Variants in AKAP8 observed in about 807,000 individuals in gnomAD.
The protein encoded by AKAP8 is A-kinase anchor protein 8.
AKAP8 carries 24 observed loss-of-function variants against 67.5 expected under a neutral mutation model. That is an observed-to-expected ratio of 0.36 (90% confidence interval 0.26 to 0.50). The LOEUF is 0.50. AKAP8 is among the 20% of genes least tolerant of loss of function. AKAP8 has a pLI of 0.97. For synonymous variants in AKAP8, 400 were observed against 371.1 expected, an observed-to-expected ratio of 1.08 and a Z score of -0.90; for missense variants, 971 against 955.9, an observed-to-expected ratio of 1.02 and a Z score of -0.21.
intron 9 of AKAP8, among the ~76,000 whole-genome samples, chr19:15,363,540 T>C (rs1450085146): frequency 1.7e-5 from 2 of 114,906 alleles, no homozygotes; most frequent in African/African-American, 7.0e-5. Flanking sequence ...GGTGGGGGGG[T>C]CAGCCCCCTC....
intron 8 of AKAP8, 155 bp from the exon 9 acceptor site, chr19:15,368,477 C>G (rs1422716984): frequency 1.0e-6 from 1 of 985,370 alleles, no homozygotes; most frequent in Non-Finnish European, 1.2e-6. Flanking sequence ...AAGGCACTGT[C>G]AGAGACTCCT....
chr19:15,368,136 C>T, intron 9 of AKAP8, 99 bp downstream of exon 9: 1 of 1,515,478 alleles, frequency 6.6e-7, no homozygotes, highest in South Asian at 1.2e-5. Context: ...AGTCAGGCCA[C>T]CAGGCCCCCA....
chr19:15,369,329 C>A lies in AKAP8; in HGVS notation c.1072+817G>T. 3 of 925,196 alleles carry A rather than the reference C, an allele frequency of 3.2e-6. No individual in the cohort carries two copies. Among genetic ancestry groups the A allele is most frequent in the Non-Finnish European group, 3.9e-6 (3 of 775,044 alleles). The allele number at this position is 925,196 out of a possible 1,614,324, so 57.3% of individuals were successfully genotyped here. ...TGCTGCGGGTCGCGGGGGGGAGGACCGCAGAGGGCTGGCAAAGCCTGAACA... is the reference window on the plus strand; with the variant it reads ...TGCTGCGGGTCGCGGGGGGGAGGACAGCAGAGGGCTGGCAAAGCCTGAACA... On this transcript the variant is annotated intron_variant, in intron 8 of 13. Coordinates refer to ENST00000269701, the MANE Select transcript of AKAP8 (RefSeq NM_005858.4). This position sits in a 1 kb window ranked among gnomAD's most constrained non-coding sequence, Gnocchi z 4.6.
intron 9 of AKAP8, among the ~76,000 whole-genome samples, chr19:15,363,443 G>GC (rs1184060157): frequency 6.8e-6 from 1 of 147,512 alleles, no homozygotes; most frequent in Non-Finnish European, 1.5e-5. Flanking sequence ...GAAGTGAGGA[G>GC]CCCCCCTGCC....
At chr19:15,359,165 G>A in intron 12 of AKAP8, 103 bp from the exon 13 acceptor site, 2 of 1,039,798 alleles carry the variant, frequency 1.9e-6, no homozygotes, top group East Asian at 2.4e-5. Flanking sequence ...GCCCTATGCA[G>A]AGAAGCGAAT....
At position 15,353,649 on chromosome 19, in the gene AKAP8, G is replaced by T. The variant is rs11671335; in HGVS notation, c.*1266C>A. On this transcript the variant is annotated 3_prime_UTR_variant, in exon 14 of 14. Transcript: ENST00000269701. ...TTCCTAGAATGTGCTTGGTGAGTTA[G>T]CCCCTGGTATACAGTAGAGGCTCGG... 6.6e-6 allele frequency: 1 copy of T among 152,080 alleles called. No homozygotes were observed. Among genetic ancestry groups the T allele is most frequent in the Non-Finnish European group, 1.5e-5 (1 of 68,022 alleles). The allele number at this position is 152,080 out of a possible 1,614,324, so 9.4% of individuals were successfully genotyped here.
Position 15,373,856 on chromosome 19 carries a change from C to G in AKAP8, c.301G>C (p.Asp101His), listed in dbSNP as rs756600778. Residue 101 changes from aspartate (D) to histidine (H), a missense_variant, in exon 4 of 14, where the codon GAC (aspartate) becomes CAC (histidine). Physicochemically the swap from Asp to His is moderately conservative, Grantham distance 81. This residue lies in a region of AKAP8 where 763 missense variants were observed against 745.4 expected (regional missense o/e 1.02). Coordinates refer to ENST00000269701, the MANE Select transcript of AKAP8 (RefSeq NM_005858.4). ...SLIAKINQRL[D>H]MMSKEGGRGG... is the part of the protein sequence containing the mutation. ...CTGCCTCCTTCCTTGGACATCATGT[C>G]CAAACGCTGGTTGATCTTGGCAATG... 1.2e-6 allele frequency: 2 copies of G among 1,612,892 alleles called. No homozygotes were observed. The highest frequency in any genetic ancestry group is 2.7e-5 in the African/African-American group (2 of 75,014).
chr19:15,369,028 GAAAAAA>G lies in AKAP8; in HGVS notation c.1073-712_1073-707del. 2 of 985,684 alleles carry G rather than the reference GAAAAAA, an allele frequency of 2.0e-6. No homozygotes were observed. Among genetic ancestry groups the G allele is most frequent in the Non-Finnish European group, 2.4e-6 (2 of 830,202 alleles). The allele number at this position is 985,684 out of a possible 1,614,324, so 61.1% of individuals were successfully genotyped here. ...CAGCATGAGGCCAGGGACGGACGCT[GAAAAAA>G]GGTTGGAGAAGCATCTGAACTGTAA... is the stretch of plus-strand genomic sequence containing the variant. On this transcript the variant is annotated intron_variant, in intron 8 of 13. Coordinates refer to ENST00000269701, the MANE Select transcript of AKAP8 (RefSeq NM_005858.4). The surrounding 1 kb of genome is among the most constrained non-coding windows in gnomAD (Gnocchi z 4.6).
chr19:15,368,150 T>C (rs1967097836), intron 9 of AKAP8, 85 bp downstream of exon 9: 2 of 1,554,420 alleles, frequency 1.3e-6, no homozygotes, highest in Non-Finnish European at 1.7e-6. Flanking sequence ...GCCCCCAGCA[T>C]TGTGGAGCGA....
At chr19:15,376,143 C>A (rs982549016) in intron 2 of AKAP8, among the ~76,000 whole-genome samples, 3 of 152,110 alleles carry the variant, frequency 2.0e-5, no homozygotes, top group Admixed American at 6.5e-5. Flanking sequence ...GGGTCTCGAA[C>A]TCCCAGGCTC....
Position 15,362,225 on chromosome 19 carries a change from T to C in AKAP8, c.1187A>G (p.Lys396Arg). 1.9e-6 allele frequency: 3 copies of C among 1,613,982 alleles called. No individual in the cohort carries two copies. Among genetic ancestry groups the C allele is most frequent in the Non-Finnish European group, 1.7e-6 (2 of 1,179,976 alleles). The change falls in exon 10 of 14, where the codon AAG becomes AGG. Residue 396 changes from lysine (K) to arginine (R), a missense_variant. Coordinates refer to ENST00000269701, the MANE Select transcript of AKAP8 (RefSeq NM_005858.4). ...DRIQFACSVC[K>R]FRSFDDEEIQ... The stretch of plus-strand genomic sequence containing the variant: ...CTCTTCGTCATCAAAGCTACGGAAC[T>C]TGCATACAGAACAGGCAAACTGAAT...
chr19:15,373,407 T>C (rs1454466291), intron 4 of AKAP8, 67 bp from the exon 5 acceptor site: 2 of 1,509,410 alleles, frequency 1.3e-6, no homozygotes, highest in African/African-American at 1.4e-5. Context: ...TCCCTCAGTA[T>C]AACCTCGACG....
intron 1 of AKAP8, among the ~76,000 whole-genome samples, chr19:15,378,516 G>A (rs758182913): frequency 6.6e-6 from 1 of 152,220 alleles, no homozygotes; most frequent in Non-Finnish European, 1.5e-5. Context: ...TGGGAAAGAA[G>A]GGAAAGAATG....
In AKAP8 at chr19:15,377,018, C is replaced by A. The variant is rs768673613; in HGVS notation, c.20-4G>T. The A allele has an allele frequency of 6.2e-7, 1 of 1,613,026 alleles. No individual in the cohort carries two copies. The highest frequency in any genetic ancestry group is 8.5e-7 in the Non-Finnish European group (1 of 1,179,636). On this transcript the variant is annotated splice_polypyrimidine_tract_variant and splice_region_variant and intron_variant, in intron 1 of 13. Coordinates refer to ENST00000269701, the MANE Select transcript of AKAP8 (RefSeq NM_005858.4). Reference sequence around the variant, plus strand: ...CCAGCACTCCACGCCCCGTAGCCTGCAAGAAGACCCCGTGAGTTAAAATTC... The same window carrying A: ...CCAGCACTCCACGCCCCGTAGCCTGAAAGAAGACCCCGTGAGTTAAAATTC...
At chr19:15,363,054 C>CT (rs1243330995) in intron 9 of AKAP8, among the ~76,000 whole-genome samples, 7 of 151,570 alleles carry the variant, frequency 4.6e-5, no homozygotes, top group Non-Finnish European at 1.0e-4. Context: ...GCCGCCCTGT[C>CT]TGAGAAGTGA....
chr19:15,374,729 G>A, intron 2 of AKAP8, 94 bp from the exon 3 acceptor site: 1 of 1,468,632 alleles, frequency 6.8e-7, no homozygotes, highest in South Asian at 1.2e-5. Context: ...ACAGCCCCAG[G>A]GCCAGGGCTT....
chr19:15,357,351 C>T (rs1383394625), intron 13 of AKAP8, among the ~76,000 whole-genome samples: 1 of 134,960 alleles, frequency 7.4e-6, no homozygotes, highest in Admixed American at 8.9e-5. Context: ...ACGGCATGAA[C>T]CCAGGACACA....
chr19:15,361,308 C>T (rs576708587), intron 11 of AKAP8, among the ~76,000 whole-genome samples: 3 of 151,024 alleles, frequency 2.0e-5, no homozygotes, highest in East Asian at 2.0e-4. Context: ...CCACGGGTCT[C>T]GTCATCACCT....
intron 2 of AKAP8, among the ~76,000 whole-genome samples, chr19:15,375,479 T>C (rs1292815356): frequency 1.3e-5 from 2 of 152,174 alleles, no homozygotes; most frequent in Non-Finnish European, 2.9e-5. Flanking sequence ...TAAAGTGTAT[T>C]CAATGACAAA....
Sources: allele counts gnomAD v4.1 joint callset (sites outside exome capture counted in the v4.1 genomes callset), GRCh38; gene constraint gnomAD v4.1.1; regional missense constraint gnomAD v4.1.1; non-coding constraint Gnocchi (gnomAD v3.1); transcripts MANE v1.5; gene names NCBI Gene and HGNC (gene_info 2026-07-23, HGNC 2026-07-21).